Variants in KLHL29 observed in about 807,000 individuals in gnomAD.
KLHL29 encodes kelch-like protein 29.
KLHL29 carries 21 observed loss-of-function variants against 80.4 expected under a neutral mutation model. The observed-to-expected ratio is 0.26, with a 90% CI of 0.19 to 0.38. The LOEUF (loss-of-function observed/expected upper bound fraction) is 0.38, where lower values mean the gene tolerates loss of function less well. KLHL29 is among the 10% of genes least tolerant of loss of function. The pLI is 1.00. For synonymous variants in KLHL29, 511 were observed against 526.8 expected, an observed-to-expected ratio of 0.97 and a Z score of 0.41; for missense variants, 867 against 1,223.9, an observed-to-expected ratio of 0.71 and a Z score of 4.35.
At chr2:23,538,916 C>T (rs551262557) in intron 2 of KLHL29, among the ~76,000 whole-genome samples, 1 of 152,194 alleles carries the variant, frequency 6.6e-6, no homozygotes, top group Non-Finnish European at 1.5e-5. Context: ...TCAATCCCTC[C>T]GGCTTTAATT....
chr2:23,541,252 C>A (rs1465430159), intron 2 of KLHL29, among the ~76,000 whole-genome samples: 2 of 152,160 alleles, frequency 1.3e-5, no homozygotes, highest in Non-Finnish European at 2.9e-5. Context: ...TGGATGGATG[C>A]ATGGGTGGAT....
chr2:23,581,462 A>T (rs1572415410), intron 3 of KLHL29, among the ~76,000 whole-genome samples: 1 of 152,218 alleles, frequency 6.6e-6, no homozygotes, highest in African/African-American at 2.4e-5. Flanking sequence ...GCTGAGTCCC[A>T]GGCGGTGACT....
intron 1 of KLHL29, among the ~76,000 whole-genome samples, chr2:23,450,671 G>A (rs1365478848): frequency 6.6e-6 from 1 of 152,240 alleles, no homozygotes; most frequent in African/African-American, 2.4e-5. Flanking sequence ...GCAGAGTTGT[G>A]TATCCTCTGG....
At chr2:23,613,788 A>AAAAAAAC (rs1553344242) in intron 3 of KLHL29, among the ~76,000 whole-genome samples, 1 of 147,268 alleles carries the variant, frequency 6.8e-6, no homozygotes, top group Non-Finnish European at 1.5e-5. Context: ...AAAAAAAAAA[A>AAAAAAAC]AACCCACCAC....
At chr2:23,518,575 G>A (rs552057329) in intron 2 of KLHL29, among the ~76,000 whole-genome samples, 13 of 152,206 alleles carry the variant, frequency 8.5e-5, no homozygotes, top group East Asian at 3.9e-4. Flanking sequence ...TGTCCCCTCC[G>A]GGAAGGCTCT....
At chr2:23,438,773 T>C (rs1663421831) in intron 1 of KLHL29, among the ~76,000 whole-genome samples, 1 of 152,126 alleles carries the variant, frequency 6.6e-6, no homozygotes, top group Non-Finnish European at 1.5e-5. Flanking sequence ...TAAAATTCTT[T>C]TTTTGGTTGT....
At chr2:23,576,982 T>C (rs536547225) in intron 3 of KLHL29, among the ~76,000 whole-genome samples, 1 of 152,286 alleles carries the variant, frequency 6.6e-6, no homozygotes, top group South Asian at 2.1e-4. Context: ...CCACCACCCA[T>C]CTTCAGGTGG....
chr2:23,478,624 G>C (rs529477278), intron 2 of KLHL29, among the ~76,000 whole-genome samples: 1 of 152,274 alleles, frequency 6.6e-6, no homozygotes, highest in African/African-American at 2.4e-5. Context: ...GACTCAGTTT[G>C]CGCAGAGCCC....
intron 1 of KLHL29, among the ~76,000 whole-genome samples, chr2:23,389,770 G>C (rs995517744): frequency 2.0e-5 from 3 of 152,116 alleles, no homozygotes; most frequent in Admixed American, 6.5e-5. Flanking sequence ...ATCTTTCACT[G>C]TGCTAGACAC....
chr2:23,485,947 G>A (rs1664923333), intron 2 of KLHL29, among the ~76,000 whole-genome samples: 1 of 152,226 alleles, frequency 6.6e-6, no homozygotes, highest in Non-Finnish European at 1.5e-5. Flanking sequence ...CTAGGACCTG[G>A]CTGAGTCATG....
At chr2:23,425,017 C>T (rs572833584) in intron 1 of KLHL29, among the ~76,000 whole-genome samples, 1 of 152,242 alleles carries the variant, frequency 6.6e-6, no homozygotes, top group East Asian at 1.9e-4. Flanking sequence ...ATCAGTCTTT[C>T]CTTGCACAAC....
chr2:23,407,634 TG>T (rs1666765797), intron 1 of KLHL29, among the ~76,000 whole-genome samples: 1 of 152,206 alleles, frequency 6.6e-6, no homozygotes, highest in Non-Finnish European at 1.5e-5. Flanking sequence ...ACGTTTTTGT[TG>T]TTCAGTGTTT....
chr2:23,540,323 C>T (rs1406224167), intron 2 of KLHL29, among the ~76,000 whole-genome samples: 4 of 152,248 alleles, frequency 2.6e-5, no homozygotes, highest in African/African-American at 4.8e-5. Flanking sequence ...AACTTCAGTT[C>T]CTCGATCATG....
chr2:23,428,242 T>C (rs143806047), intron 1 of KLHL29, among the ~76,000 whole-genome samples: 1,559 of 152,260 alleles, frequency 0.01, 26 homozygotes, highest in African/African-American at 0.036. Context: ...TGGGCAGAAA[T>C]GTAGGGGAGC....
At chr2:23,614,442 A>G (rs1360308115) in intron 3 of KLHL29, among the ~76,000 whole-genome samples, 1 of 152,362 alleles carries the variant, frequency 6.6e-6, no homozygotes, top group East Asian at 1.9e-4. Flanking sequence ...ACTAGAAGGG[A>G]AAAAATGAAT....
chr2:23,435,435 C>T (rs1037019541), intron 1 of KLHL29, among the ~76,000 whole-genome samples: 3 of 152,080 alleles, frequency 2.0e-5, no homozygotes, highest in Middle Eastern at 3.2e-3. Context: ...AGGCTAGAGA[C>T]CACTGGGAGC....
intron 3 of KLHL29, among the ~76,000 whole-genome samples, chr2:23,578,544 G>A (rs1291863048): frequency 6.6e-6 from 1 of 152,074 alleles, no homozygotes; most frequent in African/African-American, 2.4e-5. Flanking sequence ...TATTACCATC[G>A]TCTTCATTGT....
rs183247275 is a variant in KLHL29 at position 23,681,925 on chromosome 2, G to C, written c.941-2474G>C. On this transcript the variant is annotated intron_variant, in intron 5 of 13. Coordinates refer to ENST00000486442, the MANE Select transcript of KLHL29 (RefSeq NM_052920.2). This position sits in a 1 kb window ranked among gnomAD's most constrained non-coding sequence, Gnocchi z 4.2. ...ACTGGCCCTGTGCTGTCTCCCCTCC[G>C]CCTGGGCTGTGCGCAGGCGCCGCTG... Among the ~76,000 whole-genome samples, 1 of 152,146 alleles carries C rather than the reference G, an allele frequency of 6.6e-6. No individual in the cohort carries two copies. The highest frequency in any genetic ancestry group is 1.5e-5 in the Non-Finnish European group (1 of 67,990).
intron 1 of KLHL29, among the ~76,000 whole-genome samples, chr2:23,466,053 G>A (rs1205037785): frequency 6.6e-6 from 1 of 151,978 alleles, no homozygotes; most frequent in Non-Finnish European, 1.5e-5. Context: ...AAGGATGGGT[G>A]GCCAGATAAT....
Sources: allele counts gnomAD v4.1 joint callset (sites outside exome capture counted in the v4.1 genomes callset), GRCh38; gene constraint gnomAD v4.1.1; non-coding constraint Gnocchi (gnomAD v3.1); transcripts MANE v1.5; gene names NCBI Gene and HGNC (gene_info 2026-07-23, HGNC 2026-07-21).